FHIT: variants seen among roughly 807,000 people sequenced by gnomAD.
FHIT encodes bis(5'-adenosyl)-triphosphatase.
In FHIT, 19 loss-of-function variants were observed where a neutral mutation model predicts 17.9. The ratio of observed to expected loss-of-function variants is 1.06; its 90% CI spans 0.74 to 1.56. The LOEUF (loss-of-function observed/expected upper bound fraction) is 1.56, where lower values mean the gene tolerates loss of function less well. Among genes scored for constraint, FHIT ranks in the 40% most tolerant of loss-of-function variants. FHIT has a pLI of 0.00. For synonymous variants in FHIT, 81 were observed against 69.7 expected, an observed-to-expected ratio of 1.16 and a Z score of -0.81; for missense variants, 248 against 189.2, an observed-to-expected ratio of 1.31 and a Z score of -1.82.
chr3:59,890,063 TACA>T (rs1383807063), intron 8 of FHIT, among the ~76,000 whole-genome samples: 19 of 152,198 alleles, frequency 1.2e-4, no homozygotes, highest in Non-Finnish European at 2.8e-4. Context: ...AATATCACAT[TACA>T]ACAAGTTAAC....
At chr3:60,041,418 A>C (rs939402225) in intron 5 of FHIT, among the ~76,000 whole-genome samples, 2 of 152,206 alleles carry the variant, frequency 1.3e-5, no homozygotes, top group East Asian at 1.9e-4. Flanking sequence ...GGAAAATGTC[A>C]AAGTATAGCA....
chr3:60,822,545 C>T (rs1376508242), intron 3 of FHIT, among the ~76,000 whole-genome samples: 1 of 152,020 alleles, frequency 6.6e-6, no homozygotes, highest in African/African-American at 2.4e-5. Context: ...TTTTTTGGTC[C>T]CACTGGCCTG....
At chr3:60,749,115 A>T (rs544415817) in intron 4 of FHIT, among the ~76,000 whole-genome samples, 1 of 152,306 alleles carries the variant, frequency 6.6e-6, no homozygotes, top group South Asian at 2.1e-4. Flanking sequence ...AAAGTTTGTA[A>T]TAATGTTTGT....
chr3:61,022,776 C>A (rs1389428839), intron 3 of FHIT, among the ~76,000 whole-genome samples: 3 of 152,266 alleles, frequency 2.0e-5, no homozygotes, highest in African/African-American at 4.8e-5. Flanking sequence ...CAGAAAAGGC[C>A]TTCAATAAAA....
intron 2 of FHIT, among the ~76,000 whole-genome samples, chr3:61,141,277 C>A (rs1273999170): frequency 6.6e-6 from 1 of 152,100 alleles, no homozygotes; most frequent in Non-Finnish European, 1.5e-5. Context: ...ATAAGGCTGT[C>A]TTTGCTTCCT....
intron 4 of FHIT, among the ~76,000 whole-genome samples, chr3:60,550,960 G>A (rs1414265765): frequency 6.6e-6 from 1 of 152,168 alleles, no homozygotes; most frequent in African/African-American, 2.4e-5. Context: ...GGACTTGGAG[G>A]AGGCAGAAGT....
chr3:60,803,445 A>T (rs1553732949), intron 4 of FHIT, among the ~76,000 whole-genome samples: 1 of 152,214 alleles, frequency 6.6e-6, no homozygotes, highest in Non-Finnish European at 1.5e-5. Context: ...CTTCCGCCCC[A>T]TTCACGTTCA....
At chr3:60,666,373 T>A (rs1447376534) in intron 4 of FHIT, among the ~76,000 whole-genome samples, 1 of 152,222 alleles carries the variant, frequency 6.6e-6, no homozygotes. Context: ...GACATAGAAT[T>A]TACAGTTGAT....
chr3:60,471,079 T>G (rs1354082119), intron 5 of FHIT, among the ~76,000 whole-genome samples: 1 of 152,188 alleles, frequency 6.6e-6, no homozygotes, highest in Admixed American at 6.5e-5. Context: ...ATGGCTGAAC[T>G]AGTATCCAAG....
At position 60,738,487 on chromosome 3, in the gene FHIT, A is replaced by G. The variant is rs741892; in HGVS notation, c.-18+83432T>C. On this transcript the variant is annotated intron_variant, in intron 4 of 9. Transcript: ENST00000492590. ...TTTCCATCAGCTCCAGGTACCAAGC[A>G]CAGGCTCAGAGTCCTATCTGTCTCA... 6.5e-4 allele frequency among the ~76,000 whole-genome samples: 99 copies of G among 152,306 alleles called. 3 individuals are homozygous for G. Among genetic ancestry groups the G allele is most frequent in the African/African-American group, 2.3e-3 (94 of 41,576 alleles).
chr3:60,293,445 C>A (rs943869324), intron 5 of FHIT, among the ~76,000 whole-genome samples: 20 of 152,206 alleles, frequency 1.3e-4, no homozygotes, highest in Middle Eastern at 3.4e-3. Context: ...TCACTAATTT[C>A]CATGGAAGGA....
chr3:61,221,342 A>G (rs1247970233), intron 1 of FHIT, among the ~76,000 whole-genome samples: 1 of 152,230 alleles, frequency 6.6e-6, no homozygotes, highest in Non-Finnish European at 1.5e-5. Flanking sequence ...CCAAACTCTA[A>G]TAGCCTGAAT....
At position 60,877,372 on chromosome 3, in the gene FHIT, A is replaced by ACCTTCACCTGCCCTCTC. The variant is rs1451566926; in HGVS notation, c.-110-55378_-110-55362dup. On this transcript the variant is annotated intron_variant, in intron 3 of 9. Transcript: ENST00000492590. ...AAAACTGCTCTACCTGCCCTCCCTC[A>ACCTTCACCTGCCCTCTC]CCTTCACCTGCCCTCTCCCTTCACC... is the stretch of plus-strand genomic sequence containing the variant. Among the ~76,000 whole-genome samples, 5 of 152,040 alleles carry ACCTTCACCTGCCCTCTC rather than the reference A, an allele frequency of 3.3e-5. No individual in the cohort carries two copies. The East Asian group carries it at 9.7e-4, about 29-fold the overall frequency.
chr3:60,447,595 G>C (rs1299350222), intron 5 of FHIT, among the ~76,000 whole-genome samples: 2 of 152,118 alleles, frequency 1.3e-5, no homozygotes, highest in Non-Finnish European at 2.9e-5. Flanking sequence ...GAGTACTTGA[G>C]ATGCTCTAGA....
intron 5 of FHIT, among the ~76,000 whole-genome samples, chr3:60,495,331 T>C (rs2034256299): frequency 6.6e-6 from 1 of 152,180 alleles, no homozygotes; most frequent in South Asian, 2.1e-4. Flanking sequence ...CTAATTCTTC[T>C]TTAAGGGAAT....
chr3:60,326,063 C>T (rs559445660), intron 5 of FHIT, among the ~76,000 whole-genome samples: 7 of 152,124 alleles, frequency 4.6e-5, no homozygotes, highest in Non-Finnish European at 1.0e-4. Context: ...TCATCAACAT[C>T]CTAAACCAGC....
chr3:60,377,403 C>A (rs193086865), intron 5 of FHIT, among the ~76,000 whole-genome samples: 6 of 150,422 alleles, frequency 4.0e-5, no homozygotes, highest in Non-Finnish European at 4.4e-5. Flanking sequence ...GTGATCCTCC[C>A]GCCTCAGCCT....
intron 7 of FHIT, among the ~76,000 whole-genome samples, chr3:59,985,417 G>C (rs530061565): frequency 3.9e-5 from 6 of 152,206 alleles, no homozygotes; most frequent in Non-Finnish European, 7.4e-5. Context: ...CATTACACTT[G>C]TATAGAAAGT....
intron 5 of FHIT, among the ~76,000 whole-genome samples, chr3:60,149,802 T>C (rs1452760910): frequency 3.0e-5 from 4 of 131,950 alleles, no homozygotes; most frequent in East Asian, 5.4e-4. Context: ...CCCCTACCCA[T>C]AGAGATTTGC....
Sources: allele counts gnomAD v4.1 joint callset (sites outside exome capture counted in the v4.1 genomes callset), GRCh38; gene constraint gnomAD v4.1.1; transcripts MANE v1.5; gene names NCBI Gene and HGNC (gene_info 2026-07-23, HGNC 2026-07-21).